BCAS3: variants seen among roughly 807,000 people sequenced by gnomAD.
BCAS3 encodes the protein BCAS3 microtubule associated cell migration factor.
BCAS3 carries 53 observed loss-of-function variants against 116.1 expected under a neutral mutation model. The observed-to-expected ratio is 0.46, with a 90% CI of 0.37 to 0.57. BCAS3 has a LOEUF of 0.57. Among genes scored for constraint, BCAS3 ranks in the 20% least tolerant of loss-of-function variants. The probability of loss-of-function intolerance (pLI) is 0.00; values close to 1 mark genes in which losing one functional copy is unlikely to be tolerated. For synonymous variants in BCAS3, 391 were observed against 408.2 expected (o/e 0.96, Z 0.51); for missense variants, 917 against 1,165.4 (o/e 0.79, Z 3.10).
intron 12 of BCAS3, among the ~76,000 whole-genome samples, chr17:60,918,992 C>T (rs2058930947): frequency 6.6e-6 from 1 of 152,138 alleles, no homozygotes; most frequent in Non-Finnish European, 1.5e-5. Context: ...TGCACCTGGA[C>T]TCACTTGTAT....
In BCAS3 at chr17:61,041,251, A is replaced by G. The variant is rs1343626392; in HGVS notation, c.2029+359A>G. 6.6e-6 allele frequency among the ~76,000 whole-genome samples: 1 copy of G among 151,972 alleles called. No homozygotes were observed. The highest frequency in any genetic ancestry group is 1.5e-5 in the Non-Finnish European group (1 of 68,000). Reference sequence around the variant, plus strand: ...TCTGTTTCTAACATGGAAAAAAAAAAACCCCAAAACTTAGCACAGTTAAAA... The same window carrying G: ...TCTGTTTCTAACATGGAAAAAAAAAGACCCCAAAACTTAGCACAGTTAAAA... On this transcript the variant is annotated intron_variant, in intron 19 of 23. Transcript: ENST00000407086. This position sits in a 1 kb window ranked among gnomAD's most constrained non-coding sequence, Gnocchi z 4.7.
rs919424089 is a variant in BCAS3, at chr17:61,251,932, A to G, written c.2426-116395A>G. Among the ~76,000 whole-genome samples the G allele has an allele frequency of 2.0e-5, 3 of 152,228 alleles. No homozygotes were observed. Among genetic ancestry groups the G allele is most frequent in the African/African-American group, 7.2e-5 (3 of 41,448 alleles). ...TGAGCCTTCTATCAAGCTTGATCTC[A>G]AGGAACTTTACACGGGTGGCAGTTT... On this transcript the variant is annotated intron_variant, in intron 22 of 23. Transcript: ENST00000407086. This position sits in a 1 kb window ranked among gnomAD's most constrained non-coding sequence, Gnocchi z 4.7.
At chr17:61,338,642 G>A (rs1456141212) in intron 22 of BCAS3, among the ~76,000 whole-genome samples, 1 of 152,082 alleles carries the variant, frequency 6.6e-6, no homozygotes, top group Non-Finnish European at 1.5e-5. Context: ...TGTGAGTCAG[G>A]CCAAAGCCAG....
chr17:61,070,968 C>A (rs750956987), intron 19 of BCAS3, among the ~76,000 whole-genome samples: 9 of 152,144 alleles, frequency 5.9e-5, no homozygotes, highest in Non-Finnish European at 1.2e-4. Context: ...ACAACAAAAA[C>A]TAAGAAAAGT....
At chr17:60,896,054 G>A (rs1231092626) in intron 10 of BCAS3, among the ~76,000 whole-genome samples, 1 of 152,196 alleles carries the variant, frequency 6.6e-6, no homozygotes, top group African/African-American at 2.4e-5. Context: ...GGCCAGGCAC[G>A]GTTGCACATG....
At position 61,031,510 on chromosome 17, in the gene BCAS3, T is replaced by C. The variant is rs750988380; in HGVS notation, c.1638-3156T>C. Among the ~76,000 whole-genome samples the C allele has an allele frequency of 1.7e-3, 260 of 152,208 alleles. 1 individual carries two copies. The highest frequency in any genetic ancestry group is 6.8e-3 in the Middle Eastern group (2 of 294). ...AACTTTGAGTGTATCCCATAGAAGA[T>C]ATTTTATTCATAACGTTCTTTTTAT... On this transcript the variant is annotated intron_variant, in intron 16 of 23. Transcript: ENST00000407086.
intron 5 of BCAS3, among the ~76,000 whole-genome samples, chr17:60,721,751 T>C (rs1366794230): frequency 2.0e-5 from 3 of 151,298 alleles, no homozygotes; most frequent in Non-Finnish European, 4.4e-5. Flanking sequence ...GTGTACAGAC[T>C]GAAAATATAT....
Position 61,204,928 on chromosome 17 carries a change from T to C in BCAS3, c.2425+120364T>C, listed in dbSNP as rs2081040854. Among the ~76,000 whole-genome samples, 1 of 152,100 alleles carries C rather than the reference T, an allele frequency of 6.6e-6. No homozygotes were observed. Among genetic ancestry groups the C allele is most frequent in the Non-Finnish European group, 1.5e-5 (1 of 68,014 alleles). The stretch of plus-strand genomic sequence containing the variant: ...TTAGCCTGGCGTGGCGGCACATACC[T>C]GTAGTCCCAGCTACTCAGGAGGCTG... On this transcript the variant is annotated intron_variant, in intron 22 of 23. Transcript: ENST00000407086. This position sits in a 1 kb window ranked among gnomAD's most constrained non-coding sequence, Gnocchi z 4.2.
chr17:60,923,153 A>T (rs996953909), intron 12 of BCAS3, among the ~76,000 whole-genome samples: 15 of 152,234 alleles, frequency 9.9e-5, no homozygotes, highest in African/African-American at 2.7e-4. Flanking sequence ...GTTATTTGAA[A>T]AGATCAATAT....
At chr17:61,111,352 A>G (rs1266887331) in intron 22 of BCAS3, among the ~76,000 whole-genome samples, 2 of 150,198 alleles carry the variant, frequency 1.3e-5, no homozygotes, top group Admixed American at 1.3e-4. Flanking sequence ...AATTTAGAAG[A>G]ATGTATAACT....
intron 12 of BCAS3, among the ~76,000 whole-genome samples, chr17:60,920,659 G>A (rs1227446843): frequency 2.0e-5 from 3 of 151,858 alleles, no homozygotes; most frequent in Admixed American, 6.6e-5. Context: ...TCACGAGGTC[G>A]GGAGATCAAG....
chr17:60,900,126 TG>T (rs372499752), intron 10 of BCAS3: 114 of 148,894 alleles, frequency 7.7e-4, no homozygotes, highest in African/African-American at 2.2e-3. Context: ...TGATCAGTAG[TG>T]GGATTGCACC....
chr17:60,798,958 T>G (rs533593302), intron 6 of BCAS3, among the ~76,000 whole-genome samples: 2 of 152,324 alleles, frequency 1.3e-5, no homozygotes, highest in East Asian at 3.9e-4. Context: ...ATATGCTTGT[T>G]TTTATGTGTA....
intron 15 of BCAS3, among the ~76,000 whole-genome samples, chr17:60,996,778 C>A (rs565243608): frequency 6.6e-6 from 1 of 152,162 alleles, no homozygotes; most frequent in Admixed American, 6.5e-5. Flanking sequence ...GCCCTGGGGC[C>A]CTCTGACATT....
At chr17:61,210,770 A>G (rs1213462077) in intron 22 of BCAS3, among the ~76,000 whole-genome samples, 1 of 152,196 alleles carries the variant, frequency 6.6e-6, no homozygotes, top group Non-Finnish European at 1.5e-5. Context: ...GACCTTTTCA[A>G]CTACGAGCAC....
At chr17:60,864,441 C>A (rs2054418676) in intron 7 of BCAS3, among the ~76,000 whole-genome samples, 1 of 152,182 alleles carries the variant, frequency 6.6e-6, no homozygotes, top group Non-Finnish European at 1.5e-5. Flanking sequence ...ATCACATAGG[C>A]ATTGCATTGG....
chr17:60,778,006 C>T (rs565460148), intron 6 of BCAS3, among the ~76,000 whole-genome samples: 9 of 152,214 alleles, frequency 5.9e-5, no homozygotes, highest in Admixed American at 5.9e-4. Flanking sequence ...CGTATGTCTT[C>T]TTTGGTGAAA....
In BCAS3 at chr17:60,689,736, C is replaced by G. The variant is rs777539084; in HGVS notation, c.189C>G (p.Val63=). ...AAGAAAAGGAGAAAATAGTCTGGGT[C>G]AGATTTGAAAATGCAGATTTAAATG... ...LTEEKEKIVW[V]RFENADLNDT... The change falls in exon 4 of 24, where the codon GTC becomes GTG. Residue 63 remains valine, a synonymous_variant. Transcript: ENST00000407086. 4 of 1,608,066 alleles carry G rather than the reference C, an allele frequency of 2.5e-6. No individual in the cohort carries two copies. In the East Asian group the frequency reaches 8.9e-5, roughly 36 times the overall value.
chr17:61,298,340 G>A (rs910365125), intron 22 of BCAS3, among the ~76,000 whole-genome samples: 1 of 152,154 alleles, frequency 6.6e-6, no homozygotes. Flanking sequence ...AGAATGTCAG[G>A]TTTAAAAATC....
Sources: gnomAD v4.1 joint callset for allele counts (sites outside exome capture counted in the v4.1 genomes callset) on GRCh38, gnomAD v4.1.1 for gene constraint, Gnocchi (gnomAD v3.1) non-coding constraint, MANE v1.5 for transcripts, NCBI Gene and HGNC (gene_info 2026-07-23, HGNC 2026-07-21) for gene names.